Variants in CYB5B observed in about 807,000 individuals in gnomAD.
The protein encoded by CYB5B is cytochrome b5 type B.
In CYB5B, 14 loss-of-function variants were observed where a neutral mutation model predicts 21.3. That is an observed-to-expected ratio of 0.66 (90% CI 0.43 to 1.03). The LOEUF is 1.03. Ranked by LOEUF, CYB5B falls within the 50% of genes least tolerant of loss-of-function variation. CYB5B has a pLI of 0.00. For synonymous variants in CYB5B, 69 were observed against 68.4 expected (o/e 1.01, Z -0.04); for missense variants, 166 against 185.1 (o/e 0.90, Z 0.60).
At chr16:69,427,243 GA>G (rs994666837) in intron 1 of CYB5B, among the ~76,000 whole-genome samples, 13 of 147,908 alleles carry the variant, frequency 8.8e-5, no homozygotes, top group Admixed American at 4.0e-4. Context: ...CTCAAAAAAA[GA>G]AAAAAAAAAT....
chr16:69,440,217 A>C (rs2014806269), intron 1 of CYB5B, among the ~76,000 whole-genome samples: 1 of 152,168 alleles, frequency 6.6e-6, no homozygotes, highest in African/African-American at 2.4e-5. Flanking sequence ...TGTTTTAAAT[A>C]TTGAATATTG....
intron 2 of CYB5B, 91 bp downstream of exon 2, chr16:69,447,369 T>C (rs1597284244): frequency 2.0e-6 from 3 of 1,518,802 alleles, no homozygotes; most frequent in Non-Finnish European, 2.7e-6. Flanking sequence ...TGGCTGGGCG[T>C]GGTGGCTCAC....
intron 3 of CYB5B, chr16:69,449,138 A>T (rs1418186533): frequency 6.6e-6 from 1 of 152,224 alleles, no homozygotes. Flanking sequence ...AATGGTTCTT[A>T]AAACACTTTG....
intron 1 of CYB5B, among the ~76,000 whole-genome samples, chr16:69,431,214 C>T (rs894430079): frequency 7.3e-5 from 11 of 151,440 alleles, no homozygotes; most frequent in Non-Finnish European, 1.2e-4. Flanking sequence ...GTCTCGAACT[C>T]CTGACCTCAA....
At chr16:69,453,326 T>C (rs901884224) in intron 3 of CYB5B, among the ~76,000 whole-genome samples, 2 of 152,216 alleles carry the variant, frequency 1.3e-5, no homozygotes, top group Non-Finnish European at 2.9e-5. Context: ...TTACTTCTTT[T>C]ATGAGAGAAA....
intron 1 of CYB5B, among the ~76,000 whole-genome samples, chr16:69,429,070 G>C (rs1210293359): frequency 1.3e-5 from 2 of 152,196 alleles, no homozygotes; most frequent in East Asian, 3.8e-4. Flanking sequence ...TGGCGTAATA[G>C]GATCGTTCTG....
chr16:69,425,496 A>G (rs2014634968), intron 1 of CYB5B, among the ~76,000 whole-genome samples: 1 of 141,850 alleles, frequency 7.0e-6, no homozygotes, highest in Non-Finnish European at 1.5e-5. Flanking sequence ...CTGTTGCATT[A>G]CATCTCATTT....
At chr16:69,459,990 C>T (rs1006176931) in intron 4 of CYB5B, among the ~76,000 whole-genome samples, 2 of 152,124 alleles carry the variant, frequency 1.3e-5, no homozygotes, top group Non-Finnish European at 2.9e-5. Flanking sequence ...GTGGCTCACG[C>T]TTGTAATCCC....
rs1465907904 is a variant in CYB5B at position 69,466,137 on chromosome 16, T to G, written c.*3617T>G. 6.6e-6 allele frequency: 1 copy of G among 152,626 alleles called. No individual in the cohort carries two copies. The highest frequency in any genetic ancestry group is 1.5e-5 in the Non-Finnish European group (1 of 68,032). The allele number at this position is 152,626 out of a possible 1,614,324, so 9.5% of individuals were successfully genotyped here. ...GTAACGGTAACATTCCTTTTGTGTATTCAATAATGCAGTTAGTTTACCTTT... is the reference window on the plus strand; with the variant it reads ...GTAACGGTAACATTCCTTTTGTGTAGTCAATAATGCAGTTAGTTTACCTTT... On this transcript the variant is annotated 3_prime_UTR_variant, in exon 5 of 5. Coordinates refer to ENST00000307892, the MANE Select transcript of CYB5B (RefSeq NM_030579.3).
Position 69,463,847 on chromosome 16 carries a change from T to C in CYB5B, c.*1327T>C, listed in dbSNP as rs1421116865. On this transcript the variant is annotated 3_prime_UTR_variant, in exon 5 of 5. Transcript: ENST00000307892. ...TGAGAAGTAGGTTACTAGAATTATG[T>C]TACTGTGTCTTATTGGTTCAATGAT... The C allele has an allele frequency of 6.6e-6, 1 of 152,210 alleles. No individual in the cohort carries two copies. Among genetic ancestry groups the C allele is most frequent in the Non-Finnish European group, 1.5e-5 (1 of 68,030 alleles). 9.4% of individuals were successfully genotyped at this position (152,210 alleles called of 1,614,324 possible). A position where few individuals can be genotyped will look rare whatever the true frequency, so the allele number is the denominator to read the frequency against.
intron 3 of CYB5B, among the ~76,000 whole-genome samples, chr16:69,453,618 C>T (rs993522006): frequency 2.6e-5 from 4 of 152,052 alleles, no homozygotes; most frequent in Non-Finnish European, 5.9e-5. Context: ...AGTGCAGTGG[C>T]GCGATCTCGG....
intron 3 of CYB5B, among the ~76,000 whole-genome samples, chr16:69,454,167 G>T (rs2014961643): frequency 6.6e-6 from 1 of 152,084 alleles, no homozygotes; most frequent in Admixed American, 6.6e-5. Flanking sequence ...CTTGAGTGAG[G>T]TGTTATATAT....
At chr16:69,455,913 A>G (rs933202677) in intron 3 of CYB5B, among the ~76,000 whole-genome samples, 28 of 152,110 alleles carry the variant, frequency 1.8e-4, no homozygotes, top group African/African-American at 5.8e-4. Context: ...TTTCACCACA[A>G]TGTCCTTGGC....
chr16:69,434,794 TG>T (rs2014742913), intron 1 of CYB5B, among the ~76,000 whole-genome samples: 1 of 137,410 alleles, frequency 7.3e-6, no homozygotes, highest in South Asian at 2.3e-4. Flanking sequence ...ACCCGGGAGG[TG>T]GAGGTTGCAG....
chr16:69,439,296 C>T (rs932876265), intron 1 of CYB5B, among the ~76,000 whole-genome samples: 6 of 152,096 alleles, frequency 3.9e-5, no homozygotes, highest in Admixed American at 1.3e-4. Flanking sequence ...CTGCAACCTC[C>T]GCCTCCTGGG....
At chr16:69,441,828 T>C (rs2014826442) in intron 1 of CYB5B, among the ~76,000 whole-genome samples, 1 of 152,200 alleles carries the variant, frequency 6.6e-6, no homozygotes, top group Admixed American at 6.5e-5. Flanking sequence ...TCTTTGATGA[T>C]CCTGAAAGTT....
intron 1 of CYB5B, among the ~76,000 whole-genome samples, chr16:69,445,871 G>A (rs2014872594): frequency 6.6e-6 from 1 of 152,104 alleles, no homozygotes; most frequent in African/African-American, 2.4e-5. Context: ...CAGGAGAATC[G>A]CTTGAACCCG....
intron 3 of CYB5B, among the ~76,000 whole-genome samples, chr16:69,453,339 A>G (rs993988655): frequency 2.0e-5 from 3 of 152,216 alleles, no homozygotes; most frequent in Non-Finnish European, 4.4e-5. Flanking sequence ...GAGAGAAACT[A>G]AAAGGAATAT....
At chr16:69,451,746 TAG>T (rs904354878) in intron 3 of CYB5B, among the ~76,000 whole-genome samples, 1 of 151,146 alleles carries the variant, frequency 6.6e-6, no homozygotes, top group Admixed American at 6.6e-5. Context: ...GGTCAGGAGA[TAG>T]AGCCCATCCT....
Sources: allele counts gnomAD v4.1 joint callset (sites outside exome capture counted in the v4.1 genomes callset), GRCh38; gene constraint gnomAD v4.1.1; transcripts MANE v1.5; gene names NCBI Gene and HGNC (gene_info 2026-07-23, HGNC 2026-07-21).